MCTP1: variants seen among roughly 807,000 people sequenced by gnomAD.
MCTP1 encodes the protein multiple C2 and transmembrane domain-containing protein 1.
Under a neutral mutation model 120.6 loss-of-function variants are expected in MCTP1, and 69 were observed. That is an observed-to-expected ratio of 0.57 (90% CI 0.47 to 0.70). MCTP1 has a LOEUF of 0.70. Among genes scored for constraint, MCTP1 ranks in the 30% least tolerant of loss-of-function variants. The pLI, the probability that MCTP1 is intolerant of heterozygous loss-of-function variation, is 0.00. For synonymous variants in MCTP1, 529 were observed against 493.1 expected (o/e 1.07, Z -0.96); for missense variants, 1,203 against 1,248.8 (o/e 0.96, Z 0.55).
At chr5:94,796,488 C>T (rs1366578469) in intron 18 of MCTP1, among the ~76,000 whole-genome samples, 1 of 150,456 alleles carries the variant, frequency 6.6e-6, no homozygotes, top group Non-Finnish European at 1.5e-5. Context: ...GTGCTATGCG[C>T]TATGCAGGAG....
At chr5:95,206,108 A>G (rs1751587144) in intron 1 of MCTP1, among the ~76,000 whole-genome samples, 1 of 152,196 alleles carries the variant, frequency 6.6e-6, no homozygotes, top group African/African-American at 2.4e-5. Flanking sequence ...AATTCATAAA[A>G]GTGGCAACAA....
intron 1 of MCTP1, among the ~76,000 whole-genome samples, chr5:95,169,465 G>A (rs1746916093): frequency 6.6e-6 from 1 of 152,158 alleles, no homozygotes. Context: ...AGTTTCAGAA[G>A]GAATAGTACC....
intron 1 of MCTP1, among the ~76,000 whole-genome samples, chr5:95,102,071 C>T (rs1324247256): frequency 1.3e-5 from 2 of 152,122 alleles, no homozygotes; most frequent in Non-Finnish European, 1.5e-5. Flanking sequence ...TGCAGCTCCT[C>T]ATGTTAAGAG....
intron 2 of MCTP1, among the ~76,000 whole-genome samples, chr5:94,990,790 T>C (rs1831394518): frequency 6.6e-6 from 1 of 152,204 alleles, no homozygotes; most frequent in Non-Finnish European, 1.5e-5. Context: ...CTTATTTAGC[T>C]GAATTATTAC....
chr5:95,283,457 C>G (rs1223748300), intron 1 of MCTP1, among the ~76,000 whole-genome samples: 2 of 152,210 alleles, frequency 1.3e-5, no homozygotes, highest in African/African-American at 4.8e-5. Context: ...CCATTTGCTT[C>G]CAATGGTACC....
intron 1 of MCTP1, among the ~76,000 whole-genome samples, chr5:95,208,757 T>G (rs1203210226): frequency 6.6e-6 from 1 of 151,900 alleles, no homozygotes; most frequent in African/African-American, 2.4e-5. Flanking sequence ...CTAGAACATA[T>G]GTATTATCCT....
chr5:95,131,039 C>T (rs1478856520), intron 1 of MCTP1, among the ~76,000 whole-genome samples: 2 of 152,136 alleles, frequency 1.3e-5, no homozygotes, highest in Non-Finnish European at 2.9e-5. Flanking sequence ...TTAGGTGGTT[C>T]ACAGTATTCA....
chr5:94,935,081 T>A (rs1384399194), intron 5 of MCTP1, among the ~76,000 whole-genome samples: 1 of 151,984 alleles, frequency 6.6e-6, no homozygotes, highest in East Asian at 1.9e-4. Flanking sequence ...CAGCATGCCC[T>A]CCATGGAGGT....
At chr5:95,056,443 A>G (rs567435779) in intron 1 of MCTP1, among the ~76,000 whole-genome samples, 122 of 152,326 alleles carry the variant, frequency 8.0e-4, no homozygotes, top group Non-Finnish European at 1.3e-3. Context: ...ATTTACAAGT[A>G]TATAATCTAG....
At chr5:94,729,097 G>A (rs912651603) in intron 19 of MCTP1, among the ~76,000 whole-genome samples, 4 of 152,186 alleles carry the variant, frequency 2.6e-5, no homozygotes, top group Non-Finnish European at 5.9e-5. Flanking sequence ...TGGTCAGTGA[G>A]GGCTGCTCTA....
chr5:95,098,975 G>A (rs1251098593), intron 1 of MCTP1, among the ~76,000 whole-genome samples: 9 of 152,026 alleles, frequency 5.9e-5, no homozygotes, highest in South Asian at 2.1e-4. Context: ...CCGCATATCT[G>A]CAACTATCTG....
chr5:95,029,225 T>C (rs1377925409), intron 1 of MCTP1, among the ~76,000 whole-genome samples: 1 of 151,698 alleles, frequency 6.6e-6, no homozygotes, highest in Non-Finnish European at 1.5e-5. Flanking sequence ...GTTATTTAGA[T>C]GCAGGTGATG....
At chr5:94,818,641 A>T (rs549257059) in intron 17 of MCTP1, among the ~76,000 whole-genome samples, 2 of 152,310 alleles carry the variant, frequency 1.3e-5, no homozygotes, top group South Asian at 2.1e-4. Flanking sequence ...TCTCTTCTAC[A>T]GTCAGGAAAG....
chr5:94,744,874 A>T (rs1580434565), intron 19 of MCTP1, among the ~76,000 whole-genome samples: 1 of 152,156 alleles, frequency 6.6e-6, no homozygotes, highest in East Asian at 1.9e-4. Flanking sequence ...AACTGTGTTC[A>T]GCTCATTTCC....
intron 1 of MCTP1, among the ~76,000 whole-genome samples, chr5:95,268,872 T>C (rs747458524): frequency 2.0e-5 from 3 of 152,236 alleles, no homozygotes; most frequent in Admixed American, 6.5e-5. Context: ...TGTCAGTGTA[T>C]GTCTTTCATC....
chr5:95,175,184 T>G (rs1046810192), intron 1 of MCTP1, among the ~76,000 whole-genome samples: 6 of 152,230 alleles, frequency 3.9e-5, no homozygotes, highest in Non-Finnish European at 8.8e-5. Flanking sequence ...TGCTCTGAGA[T>G]TAGAACCAAT....
At chr5:94,854,352 T>TA (rs1340839288) in intron 17 of MCTP1, among the ~76,000 whole-genome samples, 1 of 151,784 alleles carries the variant, frequency 6.6e-6, no homozygotes, top group African/African-American at 2.4e-5. Context: ...TATTCCTACT[T>TA]AGAGTCTGAC....
At chr5:95,113,636 T>C (rs1757612358) in intron 1 of MCTP1, among the ~76,000 whole-genome samples, 1 of 152,208 alleles carries the variant, frequency 6.6e-6, no homozygotes, top group South Asian at 2.1e-4. Flanking sequence ...GGTTGGAATT[T>C]GAGTTCCTGC....
intron 1 of MCTP1, among the ~76,000 whole-genome samples, chr5:95,090,062 T>G (rs952832527): frequency 6.6e-6 from 1 of 152,124 alleles, no homozygotes; most frequent in Non-Finnish European, 1.5e-5. Context: ...TTCATTCCTC[T>G]CCACATCATG....
Sources: gnomAD v4.1 joint callset for allele counts (sites outside exome capture counted in the v4.1 genomes callset) on GRCh38, gnomAD v4.1.1 for gene constraint, MANE v1.5 for transcripts, NCBI Gene and HGNC (gene_info 2026-07-23, HGNC 2026-07-21) for gene names.